Variants in SLC35D2 observed in about 807,000 individuals in gnomAD.
SLC35D2 encodes solute carrier family 35 member D2.
In SLC35D2, 43 loss-of-function variants were observed where a neutral mutation model predicts 41.8. The ratio of observed to expected loss-of-function variants is 1.03; its 90% CI spans 0.81 to 1.33. The LOEUF is 1.33. Among genes scored for constraint, SLC35D2 ranks in the 40% most tolerant of loss-of-function variants. The pLI, the probability that SLC35D2 is intolerant of heterozygous loss-of-function variation, is 0.00. For missense variants in SLC35D2, 380 were observed against 408.4 expected, an observed-to-expected ratio of 0.93 and a Z score of 0.60; for synonymous variants, 150 against 163.9, an observed-to-expected ratio of 0.92 and a Z score of 0.65.
Position 96,336,753 on chromosome 9 carries a change from A to C in SLC35D2, c.716T>G (p.Val239Gly). 6.3e-7 allele frequency: 1 copy of C among 1,587,026 alleles called. No homozygotes were observed. Among genetic ancestry groups the C allele is most frequent in the South Asian group, 1.1e-5 (1 of 88,448 alleles). Reference protein sequence around the residue: ...ATEFNQWKNVVFILQFLLSCF... With the variant: ...ATEFNQWKNVGFILQFLLSCF... The stretch of plus-strand genomic sequence containing the variant: ...GGAAAGAAGAAACTGTAGGATAAAC[A>C]CAACATTCTTCCATTGGTTGAATTC... Residue 239 changes from valine (V) to glycine (G), a missense_variant, in exon 9 of 12, where the codon GTG (valine) becomes GGG (glycine). Coordinates refer to ENST00000253270, the MANE Select transcript of SLC35D2 (RefSeq NM_007001.3).
At chr9:96,322,446 C>A (rs765927627) in intron 10 of SLC35D2, among the ~76,000 whole-genome samples, 3 of 152,008 alleles carry the variant, frequency 2.0e-5, no homozygotes, top group Non-Finnish European at 4.4e-5. Context: ...TTGCTTGAGC[C>A]CAGGAAGTCA....
intron 6 of SLC35D2, among the ~76,000 whole-genome samples, chr9:96,349,564 C>A (rs149580761): frequency 5.3e-4 from 80 of 151,720 alleles, no homozygotes; most frequent in African/African-American, 1.9e-3. Context: ...CTCACTCTGT[C>A]GTCCAGGCTG....
At chr9:96,334,593 G>A (rs1164502543) in intron 9 of SLC35D2, among the ~76,000 whole-genome samples, 2 of 152,080 alleles carry the variant, frequency 1.3e-5, no homozygotes, top group African/African-American at 2.4e-5. Context: ...AGCCAAGATC[G>A]TGCCACTGGA....
At chr9:96,322,166 T>C in intron 10 of SLC35D2, 86 bp from the exon 11 acceptor site, 1 of 849,584 alleles carries the variant, frequency 1.2e-6, no homozygotes, top group East Asian at 2.4e-5. Context: ...ACTAGACATT[T>C]TAGTTACTTT....
chr9:96,327,933 A>C (rs1443435624), intron 9 of SLC35D2, among the ~76,000 whole-genome samples: 9 of 151,666 alleles, frequency 5.9e-5, no homozygotes, highest in Admixed American at 5.9e-4. Flanking sequence ...GCACTTCTTA[A>C]TATACCCACT....
chr9:96,382,466 T>TACAC (rs35402465), intron 1 of SLC35D2, among the ~76,000 whole-genome samples: 26,331 of 132,634 alleles, frequency 0.2, 2,593 homozygotes, highest in East Asian at 0.34. Context: ...AAAAATATTA[T>TACAC]ACACACACAC....
chr9:96,324,540 C>A (rs908609065), intron 9 of SLC35D2, among the ~76,000 whole-genome samples: 1 of 128,078 alleles, frequency 7.8e-6, no homozygotes, highest in East Asian at 2.8e-4. Flanking sequence ...CTCAGAATCG[C>A]CTGCTGCACT....
At chr9:96,375,193 T>C (rs1222576184) in intron 1 of SLC35D2, among the ~76,000 whole-genome samples, 2 of 151,574 alleles carry the variant, frequency 1.3e-5, no homozygotes, top group East Asian at 4.0e-4. Flanking sequence ...GGTTTCACCA[T>C]GGTGGCCAGG....
At position 96,358,080 on chromosome 9, in the gene SLC35D2, T is replaced by TATATATATATATA. The variant is rs1554715405; in HGVS notation, c.347+2073_347+2074insTATATATATATAT. Among the ~76,000 whole-genome samples, 196 of 122,646 alleles carry TATATATATATATA rather than the reference T, an allele frequency of 1.6e-3. 7 individuals are homozygous for TATATATATATATA. The highest frequency in any genetic ancestry group is 0.012 in the Middle Eastern group (3 of 244). 80.5% of individuals were successfully genotyped at this position (122,646 alleles called of 152,430 possible). Reference sequence around the variant, plus strand: ...ATGGATAAACAAAATATTATATATTTTATATATATATATATATATATATAT... The same window carrying TATATATATATATA: ...ATGGATAAACAAAATATTATATATTTATATATATATATATATATATATATATATATATATATAT... On this transcript the variant is annotated intron_variant, in intron 4 of 11. Transcript: ENST00000253270.
At chr9:96,359,033 G>A (rs546142568) in intron 4 of SLC35D2, among the ~76,000 whole-genome samples, 10 of 151,856 alleles carry the variant, frequency 6.6e-5, no homozygotes, top group African/African-American at 2.2e-4. Flanking sequence ...GGCCGGGTGC[G>A]GTGGCTCATG....
intron 4 of SLC35D2, among the ~76,000 whole-genome samples, chr9:96,359,128 C>A (rs1830159651): frequency 6.6e-6 from 1 of 151,626 alleles, no homozygotes; most frequent in African/African-American, 2.4e-5. Flanking sequence ...CACGGTGAAA[C>A]CCCGTCCCTA....
chr9:96,318,321 C>T (rs181054117), downstream of SLC35D2, among the ~76,000 whole-genome samples: 1 of 151,748 alleles, frequency 6.6e-6, no homozygotes, highest in East Asian at 2.0e-4. Context: ...ATTAGGCAGG[C>T]TAATTTTTTA....
chr9:96,334,398 G>A (rs890514666), intron 9 of SLC35D2, among the ~76,000 whole-genome samples: 2 of 152,218 alleles, frequency 1.3e-5, no homozygotes, highest in African/African-American at 4.8e-5. Flanking sequence ...AGCACTTTGG[G>A]AGGCCGAGGC....
At chr9:96,332,902 ATT>A (rs201907613) in intron 9 of SLC35D2, among the ~76,000 whole-genome samples, 4 of 142,778 alleles carry the variant, frequency 2.8e-5, no homozygotes, top group African/African-American at 2.6e-5. Flanking sequence ...ACCTTTGCGA[ATT>A]TTTTTTTTTT....
intron 8 of SLC35D2, among the ~76,000 whole-genome samples, chr9:96,342,172 G>C (rs58606368): frequency 1.1e-4 from 16 of 151,878 alleles, no homozygotes; most frequent in Non-Finnish European, 1.9e-4. Flanking sequence ...GTGCAATAGC[G>C]TGATCTCGGC....
At chr9:96,367,976 C>T (rs1041355596) in intron 2 of SLC35D2, among the ~76,000 whole-genome samples, 8 of 152,130 alleles carry the variant, frequency 5.3e-5, no homozygotes, top group African/African-American at 1.4e-4. Flanking sequence ...TCATGTGTTA[C>T]CCTCCAGGCC....
At chr9:96,327,060 G>T (rs1828569548) in intron 9 of SLC35D2, among the ~76,000 whole-genome samples, 1 of 152,192 alleles carries the variant, frequency 6.6e-6, no homozygotes. Context: ...AGCAGCGGGA[G>T]CACAGCACAG....
chr9:96,358,080 T>TTATATATAGATATATATATA (rs1830109841), intron 4 of SLC35D2, among the ~76,000 whole-genome samples: 1 of 122,712 alleles, frequency 8.1e-6, no homozygotes, highest in African/African-American at 3.9e-5. Context: ...ATTATATATT[T>TTATATATAGATATATATATA]TATATATATA....
intron 1 of SLC35D2, among the ~76,000 whole-genome samples, chr9:96,380,702 T>C (rs932382059): frequency 6.6e-6 from 1 of 151,956 alleles, no homozygotes; most frequent in African/African-American, 2.4e-5. Context: ...CTCGAAATCC[T>C]GACCTCATGA....
Sources: allele counts gnomAD v4.1 joint callset (sites outside exome capture counted in the v4.1 genomes callset), GRCh38; gene constraint gnomAD v4.1.1; transcripts MANE v1.5; gene names NCBI Gene and HGNC (gene_info 2026-07-23, HGNC 2026-07-21).